The following SLC9B1 variants were observed in gnomAD, a reference collection of about 807,000 sequenced individuals.
SLC9B1 encodes sodium/hydrogen exchanger 9B1.
Under a neutral mutation model 51.7 loss-of-function variants are expected in SLC9B1, and 32 were observed. That is an observed-to-expected ratio of 0.62 (90% CI 0.47 to 0.83). The LOEUF is 0.83. Ranked by LOEUF, SLC9B1 falls within the 40% of genes least tolerant of loss-of-function variation. The pLI is 0.00. For synonymous variants in SLC9B1, 145 were observed against 212.7 expected, an observed-to-expected ratio of 0.68 and a Z score of 2.77; for missense variants, 406 against 613.2, an observed-to-expected ratio of 0.66 and a Z score of 3.57.
intron 1 of SLC9B1, among the ~76,000 whole-genome samples, chr4:103,013,556 G>T (rs1182696140): frequency 6.6e-6 from 1 of 152,082 alleles, no homozygotes; most frequent in Non-Finnish European, 1.5e-5. Flanking sequence ...AATATGCTGA[G>T]GAATTTGAAC....
rs552448535 is a variant in SLC9B1, at chr4:102,903,455, C to T, written c.1332+2059G>A. ...TGACAACACTGCTAAGAAACAGATA[C>T]AGTCATAGACTTCATTGTAAGATGA... is the stretch of plus-strand genomic sequence containing the variant. On this transcript the variant is annotated intron_variant, in intron 11 of 11. Coordinates refer to ENST00000296422, the MANE Select transcript of SLC9B1 (RefSeq NM_139173.4). Among the ~76,000 whole-genome samples the T allele has an allele frequency of 3.9e-5, 6 of 152,308 alleles. No individual in the cohort carries two copies. The South Asian group carries it at 1.0e-3, about 26-fold the overall frequency.
At chr4:102,963,197 A>G (rs1375380186) in intron 3 of SLC9B1, 9 of 355,196 alleles carry the variant, frequency 2.5e-5, no homozygotes, top group Non-Finnish European at 5.5e-6. Flanking sequence ...ATGCACCACA[A>G]TGCCTTATGG....
At chr4:103,009,585 G>C (rs1740984960) in intron 1 of SLC9B1, among the ~76,000 whole-genome samples, 1 of 152,158 alleles carries the variant, frequency 6.6e-6, no homozygotes, top group South Asian at 2.1e-4. Context: ...CTTCCACTGA[G>C]AGTGGCAAAG....
At chr4:102,920,960 G>T (rs1212841934) in intron 7 of SLC9B1, among the ~76,000 whole-genome samples, 1 of 152,226 alleles carries the variant, frequency 6.6e-6, no homozygotes, top group African/African-American at 2.4e-5. Context: ...GTGATGAGGA[G>T]AATGGAACCA....
At chr4:102,905,975 A>G (rs10004342) in intron 10 of SLC9B1, among the ~76,000 whole-genome samples, 88,233 of 151,876 alleles carry the variant, frequency 0.58, 27,092 homozygotes, top group African/African-American at 0.8. Context: ...TTGCTCTGTC[A>G]CCCAGGCTGG....
intron 1 of SLC9B1, among the ~76,000 whole-genome samples, chr4:103,001,313 T>A (rs1004006863): frequency 6.6e-6 from 1 of 152,232 alleles, no homozygotes; most frequent in African/African-American, 2.4e-5. Context: ...ATTCTCCTCA[T>A]TACTTACGCA....
At chr4:102,954,113 A>G (rs1354678981) in intron 3 of SLC9B1, among the ~76,000 whole-genome samples, 14 of 33,736 alleles carry the variant, frequency 4.1e-4, no homozygotes, top group African/African-American at 3.3e-3. Flanking sequence ...TGGGTTTGTC[A>G]TAGATAGCTC....
At chr4:102,887,667 C>G (rs1401046861) in intron 11 of SLC9B1, 1 of 332,872 alleles carries the variant, frequency 3.0e-6, no homozygotes, top group Non-Finnish European at 5.5e-6. Context: ...TGATTTTAAT[C>G]TAGGAAAACC....
At chr4:102,996,222 T>G (rs1435705816) in intron 1 of SLC9B1, among the ~76,000 whole-genome samples, 1 of 152,202 alleles carries the variant, frequency 6.6e-6, no homozygotes, top group Non-Finnish European at 1.5e-5. Flanking sequence ...CTTGTCCATT[T>G]TTTTGTTGTA....
chr4:102,923,311 C>T (rs768780574), intron 7 of SLC9B1, among the ~76,000 whole-genome samples: 18 of 152,148 alleles, frequency 1.2e-4, no homozygotes, highest in Non-Finnish European at 1.8e-4. Flanking sequence ...AAGACAAAAA[C>T]CACATGATTA....
chr4:102,984,965 AC>A (rs1739539537), intron 3 of SLC9B1, among the ~76,000 whole-genome samples: 1 of 152,170 alleles, frequency 6.6e-6, no homozygotes, highest in Non-Finnish European at 1.5e-5. Context: ...AAAGATGCAT[AC>A]CAATGAGCCT....
At chr4:102,996,749 G>C (rs182192323) in intron 1 of SLC9B1, among the ~76,000 whole-genome samples, 43 of 151,810 alleles carry the variant, frequency 2.8e-4, no homozygotes, top group African/African-American at 9.9e-4. Context: ...CTGTTCCACT[G>C]GCCCATTTGT....
intron 6 of SLC9B1, among the ~76,000 whole-genome samples, chr4:102,938,561 C>T (rs1257748149): frequency 1.3e-5 from 2 of 152,144 alleles, no homozygotes; most frequent in Non-Finnish European, 2.9e-5. Context: ...CCAACAACAA[C>T]AGAATATATG....
intron 7 of SLC9B1, among the ~76,000 whole-genome samples, chr4:102,921,752 G>T (rs1438484489): frequency 6.6e-6 from 1 of 152,136 alleles, no homozygotes; most frequent in East Asian, 1.9e-4. Context: ...AATAGCAGGG[G>T]TTGCAATCCT....
At chr4:103,005,797 C>G (rs565351735) in intron 1 of SLC9B1, among the ~76,000 whole-genome samples, 2 of 152,224 alleles carry the variant, frequency 1.3e-5, no homozygotes, top group South Asian at 4.1e-4. Flanking sequence ...AAAGAACTCT[C>G]AAAACCATAG....
At chr4:102,986,657 A>G (rs1739640812) in intron 3 of SLC9B1, among the ~76,000 whole-genome samples, 1 of 151,876 alleles carries the variant, frequency 6.6e-6, no homozygotes, top group African/African-American at 2.4e-5. Context: ...ATTCTGTTTC[A>G]TTGTTGTTCA....
At chr4:102,948,986 T>C (rs1737407631) in intron 4 of SLC9B1, among the ~76,000 whole-genome samples, 1 of 152,026 alleles carries the variant, frequency 6.6e-6, no homozygotes, top group Admixed American at 6.6e-5. Flanking sequence ...TATTAAACAA[T>C]AAAGCAACAG....
intron 3 of SLC9B1, among the ~76,000 whole-genome samples, chr4:102,961,321 T>A (rs77754891): frequency 7.1e-6 from 1 of 141,810 alleles, no homozygotes; most frequent in Non-Finnish European, 1.6e-5. Flanking sequence ...TATGTAAGTA[T>A]CTTCCTTTTT....
At chr4:102,960,748 T>A (rs1738065435) in intron 3 of SLC9B1, among the ~76,000 whole-genome samples, 1 of 151,836 alleles carries the variant, frequency 6.6e-6, no homozygotes, top group African/African-American at 2.4e-5. Flanking sequence ...TTTTTTTTTT[T>A]TGAGATGGAG....
Sources: gnomAD v4.1 joint callset for allele counts (sites outside exome capture counted in the v4.1 genomes callset) on GRCh38, gnomAD v4.1.1 for gene constraint, MANE v1.5 for transcripts, NCBI Gene and HGNC (gene_info 2026-07-23, HGNC 2026-07-21) for gene names.